Variants in RBM15 observed in about 807,000 individuals in gnomAD.
The protein encoded by RBM15 is RNA binding motif protein 15.
Under a neutral mutation model 62.6 loss-of-function variants are expected in RBM15, and 8 were observed. The observed-to-expected ratio is 0.13, with a 90% confidence interval of 0.07 to 0.23. RBM15 has a LOEUF of 0.23. RBM15 is among the 10% of genes least tolerant of loss of function. RBM15 has a pLI of 1.00. For synonymous variants in RBM15, 606 were observed against 505.7 expected, an observed-to-expected ratio of 1.20 and a Z score of -2.66; for missense variants, 1,144 against 1,286.5, an observed-to-expected ratio of 0.89 and a Z score of 1.69.
chr1:110,345,984 G>A (rs976824554), intron 2 of RBM15, among the ~76,000 whole-genome samples: 2 of 152,022 alleles, frequency 1.3e-5, no homozygotes, highest in Admixed American at 6.5e-5. Flanking sequence ...ATTATAAATT[G>A]ATTGTGAAAC....
Position 110,346,409 on chromosome 1 carries a change from T to C in RBM15, c.*142T>C. 6.7e-7 allele frequency: 1 copy of C among 1,489,122 alleles called. No homozygotes were observed. Among genetic ancestry groups the C allele is most frequent in the Non-Finnish European group, 9.2e-7 (1 of 1,082,254 alleles). 92.2% of individuals were successfully genotyped at this position (1,489,122 alleles called of 1,614,324 possible). Reference sequence around the variant, plus strand: ...ATGTGGAGTTTACATGGGCCTCTGATGGAAGAAAGCTAATCTGTTTAGTAT... The same window carrying C: ...ATGTGGAGTTTACATGGGCCTCTGACGGAAGAAAGCTAATCTGTTTAGTAT... On this transcript the variant is annotated 3_prime_UTR_variant, in exon 3 of 3. Transcript: ENST00000369784.
At chr1:110,343,113 C>A (rs1434720182) in intron 1 of RBM15, among the ~76,000 whole-genome samples, 1 of 152,042 alleles carries the variant, frequency 6.6e-6, no homozygotes, top group Admixed American at 6.6e-5. Context: ...GTGCATATTT[C>A]GAAACTAAGT....
At position 110,340,638 on chromosome 1, in the gene RBM15, C is replaced by T. The variant is rs1660776109; in HGVS notation, c.1233C>T (p.Gly411=). 19 of 1,614,186 alleles carry T rather than the reference C, an allele frequency of 1.2e-5. No individual in the cohort carries two copies. Among genetic ancestry groups the T allele is most frequent in the Non-Finnish European group, 1.6e-5 (19 of 1,180,016 alleles). ...TEVDIKRPSR[G]QTSTYGFLKF... is the part of the protein sequence containing the mutation. ...TAGATATCAAGAGGCCTTCTCGCGG[C>T]CAGACTAGTACTTACGGCTTTCTCA... Residue 411 remains glycine (G), a synonymous_variant, in exon 1 of 3, where the codon GGC becomes GGT. Coordinates refer to ENST00000369784, the MANE Select transcript of RBM15 (RefSeq NM_022768.5). The surrounding 1 kb of genome is among the most constrained non-coding windows in gnomAD (Gnocchi z 5.8).
intron 1 of RBM15, among the ~76,000 whole-genome samples, chr1:110,343,270 A>T (rs932292741): frequency 2.0e-5 from 3 of 152,300 alleles, no homozygotes; most frequent in Non-Finnish European, 2.9e-5. Context: ...AGAATTTCTT[A>T]AAAAGTCATC....
At chr1:110,343,917 A>G (rs1375199646) in intron 1 of RBM15, among the ~76,000 whole-genome samples, 1 of 152,208 alleles carries the variant, frequency 6.6e-6, no homozygotes, top group Admixed American at 6.5e-5. Flanking sequence ...TGTCAGCACA[A>G]AAGTGTCATC....
At position 110,342,140 on chromosome 1, in the gene RBM15, A is replaced by G. The variant is rs1660812273; in HGVS notation, c.2735A>G (p.Lys912Arg). 1 of 1,614,114 alleles carries G rather than the reference A, an allele frequency of 6.2e-7. No homozygotes were observed. The highest frequency in any genetic ancestry group is 1.3e-5 in the African/African-American group (1 of 75,052). Residue 912 changes from lysine to arginine, a missense_variant, in exon 1 of 3, where the codon AAA becomes AGA. By Grantham distance (26) the Lys-to-Arg change is conservative. This residue lies in a region of RBM15 where 144 missense variants were observed against 223.3 expected (regional missense o/e 0.64). Coordinates refer to ENST00000369784, the MANE Select transcript of RBM15 (RefSeq NM_022768.5). ...ATCAGCCTCCCTGTGGGGGGCAACAAAGACAAGGAAAACACCGGGGTCCTT... is the reference window on the plus strand; with the variant it reads ...ATCAGCCTCCCTGTGGGGGGCAACAGAGACAAGGAAAACACCGGGGTCCTT... Reference protein sequence around the residue: ...GVISLPVGGNKDKENTGVLHA... With the variant: ...GVISLPVGGNRDKENTGVLHA...
In RBM15 at chr1:110,340,767, C is replaced by T. The variant is rs1234024602; in HGVS notation, c.1362C>T (p.Thr454=). ...TTGGTTATGGTAAAGCTACACCCACCACCCGCCTCTGGGTGGGAGGCCTGG... is the reference window on the plus strand; with the variant it reads ...TTGGTTATGGTAAAGCTACACCCACTACCCGCCTCTGGGTGGGAGGCCTGG... ...IKIGYGKATP[T]TRLWVGGLGP... is the part of the protein sequence containing the mutation. Residue 454 remains threonine (T), a synonymous_variant, in exon 1 of 3, where the codon ACC becomes ACT. Coordinates refer to ENST00000369784, the MANE Select transcript of RBM15 (RefSeq NM_022768.5). This position sits in a 1 kb window ranked among gnomAD's most constrained non-coding sequence, Gnocchi z 5.8. 3.7e-6 allele frequency: 6 copies of T among 1,614,132 alleles called. No homozygotes were observed. Among genetic ancestry groups the T allele is most frequent in the Non-Finnish European group, 5.1e-6 (6 of 1,180,032 alleles).
chr1:110,342,119 G>C lies in RBM15; in HGVS notation c.2714G>C (p.Ser905Thr). 1 of 1,614,162 alleles carries C rather than the reference G, an allele frequency of 6.2e-7. No homozygotes were observed. Among genetic ancestry groups the C allele is most frequent in the Non-Finnish European group, 8.5e-7 (1 of 1,179,980 alleles). Reference protein sequence around the residue: ...LKQKQAAGVISLPVGGNKDKE... With the variant: ...LKQKQAAGVITLPVGGNKDKE... Reference sequence around the variant, plus strand: ...CAAAAGCAGGCAGCCGGGGTGATCAGCCTCCCTGTGGGGGGCAACAAAGAC... The same window carrying C: ...CAAAAGCAGGCAGCCGGGGTGATCACCCTCCCTGTGGGGGGCAACAAAGAC... The change falls in exon 1 of 3, where the codon AGC (serine) becomes ACC (threonine). Residue 905 changes from serine to threonine, a missense_variant. Ser to Thr is a moderately conservative substitution (Grantham distance 58, BLOSUM62 1). Around this residue, in one of 8 missense-constraint regions of RBM15, gnomAD observed 144 missense variants for 223.3 expected, o/e 0.64. Transcript: ENST00000369784.
Position 110,339,771 on chromosome 1 carries a change from C to T in RBM15, c.366C>T (p.Arg122=). 1 of 1,610,010 alleles carries T rather than the reference C, an allele frequency of 6.2e-7. No homozygotes were observed. Among genetic ancestry groups the T allele is most frequent in the Non-Finnish European group, 8.5e-7 (1 of 1,177,468 alleles). Reference sequence around the variant, plus strand: ...CCGGTGGGGGCAGCTCCAGTAGCCGCTTGCATAGTTATAGCTCCCCGAGCA... The same window carrying T: ...CCGGTGGGGGCAGCTCCAGTAGCCGTTTGCATAGTTATAGCTCCCCGAGCA... ...YDTGGGSSSS[R]LHSYSSPSTK... is the part of the protein sequence containing the mutation. The change falls in exon 1 of 3, where the codon CGC becomes CGT. Residue 122 remains arginine (R), a synonymous_variant. Coordinates refer to ENST00000369784, the MANE Select transcript of RBM15 (RefSeq NM_022768.5).
chr1:110,339,494 G>A lies in RBM15; in HGVS notation c.89G>A (p.Arg30Gln), dbSNP rs201292259. 8 of 1,583,412 alleles carry A rather than the reference G, an allele frequency of 5.1e-6. No homozygotes were observed. The East Asian group carries it at 1.8e-4, about 36-fold the overall frequency. ...VPLCETSAGRRVTQLRGDDLR... is the reference protein window; with the variant it reads ...VPLCETSAGRQVTQLRGDDLR... ...CTGTGTGAAACGAGCGCGGGGCGGC[G>A]GGTTACTCAGCTCCGCGGAGACGAC... Residue 30 changes from arginine (R) to glutamine (Q), a missense_variant, in exon 1 of 3, where the codon CGG becomes CAG. Around this residue, in one of 8 missense-constraint regions of RBM15, gnomAD observed 298 missense variants for 250.0 expected, o/e 1.19. Coordinates refer to ENST00000369784, the MANE Select transcript of RBM15 (RefSeq NM_022768.5).
rs1398410701 is a variant in RBM15, at chr1:110,342,072, G to A, written c.2667G>A (p.Arg889=). The A allele has an allele frequency of 1.2e-6, 2 of 1,614,228 alleles. No homozygotes were observed. Among genetic ancestry groups the A allele is most frequent in the South Asian group, 2.2e-5 (2 of 91,088 alleles). ...DTATSTQRPL[R]NLVSYLKQKQ... ...CCACTTCTACTCAGAGGCCACTTAG[G>A]AACCTTGTGTCCTATTTAAAGCAAA... is the stretch of plus-strand genomic sequence containing the variant. The change falls in exon 1 of 3, where the codon AGG becomes AGA. Residue 889 remains arginine, a synonymous_variant. Coordinates refer to ENST00000369784, the MANE Select transcript of RBM15 (RefSeq NM_022768.5).
rs746313683 is a variant in RBM15, at chr1:110,339,756, C to T, written c.351C>T (p.Gly117=). The change falls in exon 1 of 3, where the codon GGC becomes GGT. Residue 117 remains glycine, a synonymous_variant. Coordinates refer to ENST00000369784, the MANE Select transcript of RBM15 (RefSeq NM_022768.5). ...GGSREYDTGG[G]SSSSRLHSYS... The stretch of plus-strand genomic sequence containing the variant: ...GCCGCGAGTATGATACCGGTGGGGG[C>T]AGCTCCAGTAGCCGCTTGCATAGTT... The T allele has an allele frequency of 3.1e-6, 5 of 1,611,298 alleles. No individual in the cohort carries two copies. The highest frequency in any genetic ancestry group is 3.4e-6 in the Non-Finnish European group (4 of 1,178,606).
At position 110,341,311 on chromosome 1, in the gene RBM15, A is replaced by G. The variant is rs902659033; in HGVS notation, c.1906A>G (p.Arg636Gly). ...AGGTGATCGAGATCTGCCCAGCAGC[A>G]GAGACCAGCCTAGGAAGCGAAGGCT... ...DRGDRDLPSS[R>G]DQPRKRRLPE... The change falls in exon 1 of 3, where the codon AGA (arginine) becomes GGA (glycine). Residue 636 changes from arginine to glycine, a missense_variant. By Grantham distance (125) the Arg-to-Gly change is moderately radical. This residue lies in a region of RBM15 where 360 missense variants were observed against 342.9 expected (regional missense o/e 1.05). Coordinates refer to ENST00000369784, the MANE Select transcript of RBM15 (RefSeq NM_022768.5). The surrounding 1 kb of genome is among the most constrained non-coding windows in gnomAD (Gnocchi z 4.5). 1.9e-6 allele frequency: 3 copies of G among 1,614,140 alleles called. No individual in the cohort carries two copies. Among genetic ancestry groups the G allele is most frequent in the Admixed American group, 3.3e-5 (2 of 60,022 alleles).
chr1:110,340,188 A>G lies in RBM15; in HGVS notation c.783A>G (p.Leu261=). The change falls in exon 1 of 3, where the codon TTA becomes TTG. Residue 261 remains leucine (L), a synonymous_variant. Transcript: ENST00000369784. This position sits in a 1 kb window ranked among gnomAD's most constrained non-coding sequence, Gnocchi z 5.8. ...GCCGGCGCCGCAGCCGCTCCCCTTT[A>G]GACAAAGATACTTATCCTCCATCAG... ...YVSRRRSRSP[L]DKDTYPPSAS... The G allele has an allele frequency of 1.9e-6, 3 of 1,614,102 alleles. No homozygotes were observed. Among genetic ancestry groups the G allele is most frequent in the Non-Finnish European group, 2.5e-6 (3 of 1,179,982 alleles).
chr1:110,343,958 A>G (rs1185738167), intron 1 of RBM15, among the ~76,000 whole-genome samples: 2 of 152,174 alleles, frequency 1.3e-5, no homozygotes, highest in Non-Finnish European at 2.9e-5. Context: ...GGTTTTCACT[A>G]TGCATCTATA....
intron 2 of RBM15, among the ~76,000 whole-genome samples, chr1:110,345,899 A>G (rs992965148): frequency 6.6e-6 from 1 of 152,184 alleles, no homozygotes; most frequent in Non-Finnish European, 1.5e-5. Flanking sequence ...ATGAAAATAG[A>G]TGGGGCAAAA....
chr1:110,344,184 A>G (rs1660855802), intron 1 of RBM15, among the ~76,000 whole-genome samples: 1 of 152,218 alleles, frequency 6.6e-6, no homozygotes, highest in South Asian at 2.1e-4. Context: ...TCAGAAACTA[A>G]TGCAAGTGTG....
At position 110,341,002 on chromosome 1, in the gene RBM15, T is replaced by G; in HGVS notation, c.1597T>G (p.Tyr533Asp). The G allele has an allele frequency of 6.2e-7, 1 of 1,614,176 alleles. No individual in the cohort carries two copies. The highest frequency in any genetic ancestry group is 8.5e-7 in the Non-Finnish European group (1 of 1,179,996). Residue 533 changes from tyrosine to aspartate, a missense_variant, in exon 1 of 3, where the codon TAC becomes GAC. By Grantham distance (160) the Tyr-to-Asp change is radical (BLOSUM62 -3). Around this residue, in one of 8 missense-constraint regions of RBM15, gnomAD observed 360 missense variants for 342.9 expected, o/e 1.05. Transcript: ENST00000369784. The surrounding 1 kb of genome is among the most constrained non-coding windows in gnomAD (Gnocchi z 4.5). ...RVDFADTEHR[Y>D]QQQYLQPLPL... The stretch of plus-strand genomic sequence containing the variant: ...AGACTTTGCCGACACCGAACATCGT[T>G]ACCAGCAGCAGTATCTGCAGCCTCT...
In RBM15 at chr1:110,339,957, A is replaced by G; in HGVS notation, c.552A>G (p.Glu184=). ...AGTTGGGGTCCCAGCTTAGTGACGA[A>G]GCGGTGGAGGACGGCCTGTTTCATG... ...ISELGSQLSD[E]AVEDGLFHEF... Residue 184 remains glutamate, a synonymous_variant, in exon 1 of 3, where the codon GAA becomes GAG. Transcript: ENST00000369784. The G allele has an allele frequency of 6.2e-7, 1 of 1,614,096 alleles. No homozygotes were observed. The highest frequency in any genetic ancestry group is 8.5e-7 in the Non-Finnish European group (1 of 1,179,996).
Sources: gnomAD v4.1 joint callset for allele counts (sites outside exome capture counted in the v4.1 genomes callset) on GRCh38, gnomAD v4.1.1 for gene constraint, gnomAD v4.1.1 regional missense constraint, Gnocchi (gnomAD v3.1) non-coding constraint, MANE v1.5 for transcripts, NCBI Gene and HGNC (gene_info 2026-07-23, HGNC 2026-07-21) for gene names.